Variants in ARID1A observed in about 807,000 individuals in gnomAD.
ARID1A encodes AT-rich interaction domain 1A.
In ARID1A, 20 loss-of-function variants were observed where a neutral mutation model predicts 212.6. The observed-to-expected ratio is 0.09, with a 90% CI of 0.07 to 0.14. ARID1A has a LOEUF of 0.14. Among genes scored for constraint, ARID1A ranks in the 10% least tolerant of loss-of-function variants. The pLI, the probability that ARID1A is intolerant of heterozygous loss-of-function variation, is 1.00. For synonymous variants in ARID1A, 1,376 were observed against 1,222.1 expected (o/e 1.13, Z -2.63); for missense variants, 2,587 against 3,059.0 (o/e 0.85, Z 3.64).
intron 2 of ARID1A, 98 bp downstream of exon 2, chr1:26,729,961 G>A: frequency 1.4e-6 from 2 of 1,409,306 alleles, no homozygotes; most frequent in Non-Finnish European, 9.8e-7. Flanking sequence ...CAAGCCTCTT[G>A]ACAGGAATGT....
At chr1:26,767,611 T>A (rs971756658) in intron 10 of ARID1A, among the ~76,000 whole-genome samples, 179 bp from the exon 11 acceptor site, 3 of 152,084 alleles carry the variant, frequency 2.0e-5, no homozygotes, top group Admixed American at 2.0e-4. Context: ...TTCCTTCCTT[T>A]ATAGGAAAAA....
Position 26,760,884 on chromosome 1 carries a change from C to T in ARID1A, c.1949C>T (p.Pro650Leu), listed in dbSNP as rs2080985310. The change falls in exon 5 of 20, where the codon CCC (proline) becomes CTC (leucine). Residue 650 changes from proline to leucine, a missense_variant. Physicochemically the swap from Pro to Leu is moderately conservative, Grantham distance 98. Transcript: ENST00000324856. ...CTATCTGGTTCAATAGATGACCTCC[C>T]CATGGGGACAGAAGGAGCTCTGAGT... is the stretch of plus-strand genomic sequence containing the variant. ...PDLSGSIDDL[P>L]MGTEGALSPG... is the part of the protein sequence containing the mutation. The T allele has an allele frequency of 6.2e-7, 1 of 1,613,734 alleles. No homozygotes were observed. Among genetic ancestry groups the T allele is most frequent in the Non-Finnish European group, 8.5e-7 (1 of 1,179,816 alleles).
chr1:26,731,877 TTTTTATTTTA>T (rs536029374), intron 3 of ARID1A, among the ~76,000 whole-genome samples: 20 of 152,222 alleles, frequency 1.3e-4, no homozygotes, highest in African/African-American at 2.4e-4. Context: ...GGGACTGGTT[TTTTTATTTTA>T]TTTTATTTTA....
rs2124788557 is a variant in ARID1A at position 26,731,294 on chromosome 1, C to G, written c.1493C>G (p.Pro498Arg). ...CCGTCCCAGACCCCTCATGCCCAAC[C>G]TTCGTATCAGCAGCAGCCACAGTCT... ...QPPSQTPHAQ[P>R]SYQQQPQSQP... The change falls in exon 3 of 20, where the codon CCT becomes CGT. Residue 498 changes from proline (P) to arginine (R), a missense_variant. This residue lies in a region of ARID1A where 674 missense variants were observed against 813.4 expected (regional missense o/e 0.83). Coordinates refer to ENST00000324856, the MANE Select transcript of ARID1A (RefSeq NM_006015.6). 6.2e-7 allele frequency: 1 copy of G among 1,613,952 alleles called. No individual in the cohort carries two copies. The highest frequency in any genetic ancestry group is 8.5e-7 in the Non-Finnish European group (1 of 1,179,988).
rs1476360310 is a variant in ARID1A, at chr1:26,774,647, C to G, written c.4420C>G (p.Gln1474Glu). Reference sequence around the variant, plus strand: ...TGCACCCCCTGGCACCAATGCCCAGCAAAACATGCCACCACAAATGATGGG... The same window carrying G: ...TGCACCCCCTGGCACCAATGCCCAGGAAAACATGCCACCACAAATGATGGG... ...VSAPPGTNAQ[Q>E]NMPPQMMGGP... Residue 1474 changes from glutamine (Q) to glutamate (E), a missense_variant, in exon 18 of 20, where the codon CAA becomes GAA. By Grantham distance (29) the Gln-to-Glu change is conservative. This residue lies in a region of ARID1A where 890 missense variants were observed against 1,098.2 expected (regional missense o/e 0.81). Transcript: ENST00000324856. The surrounding 1 kb of genome is among the most constrained non-coding windows in gnomAD (Gnocchi z 5.6). 4 of 1,614,228 alleles carry G rather than the reference C, an allele frequency of 2.5e-6. No individual in the cohort carries two copies. The highest frequency in any genetic ancestry group is 3.4e-6 in the Non-Finnish European group (4 of 1,180,042).
chr1:26,736,661 A>G (rs913676660), intron 4 of ARID1A, among the ~76,000 whole-genome samples: 11 of 149,746 alleles, frequency 7.3e-5, no homozygotes, highest in African/African-American at 2.5e-4. Context: ...ACAGTGGCTC[A>G]GGAGGCCGAG....
At chr1:26,714,178 G>A (rs1234632786) in intron 1 of ARID1A, among the ~76,000 whole-genome samples, 1 of 152,222 alleles carries the variant, frequency 6.6e-6, no homozygotes, top group Non-Finnish European at 1.5e-5. Context: ...AAGACAGCTG[G>A]TGACTGGTAT....
Position 26,697,435 on chromosome 1 carries a change from TGCG to T in ARID1A, c.1041_1043del (p.Ala349del), listed in dbSNP as rs1474581007. ...GTTGGGGGGCTGCGGCGGCGGCAGC[TGCG>T]GCGGCGGCCGCCTCGGGAGGGGCCC... On this transcript the variant is annotated inframe_deletion, in exon 1 of 20. Coordinates refer to ENST00000324856, the MANE Select transcript of ARID1A (RefSeq NM_006015.6). The T allele has an allele frequency of 7.4e-7, 1 of 1,349,958 alleles. No homozygotes were observed. The highest frequency in any genetic ancestry group is 4.1e-5 in the Admixed American group (1 of 24,434). 83.6% of individuals were successfully genotyped at this position (1,349,958 alleles called of 1,614,324 possible).
In ARID1A at chr1:26,732,773, C is replaced by A. The variant is rs1269622011; in HGVS notation, c.1901C>A (p.Ser634Ter). ...GQEDMNLSLQ[S>*]RPSSLPDLSG... Reference sequence around the variant, plus strand: ...GAAGATATGAACCTGAGCCTTCAGTCAAGACCCTCCAGCTTGCCTGTGAGT... The same window carrying A: ...GAAGATATGAACCTGAGCCTTCAGTAAAGACCCTCCAGCTTGCCTGTGAGT... Residue 634 changes from serine (S) to a stop codon, truncating the protein, a stop_gained, in exon 4 of 20, where the codon TCA becomes TAA. Transcript: ENST00000324856. LOFTEE classifies it high-confidence loss of function. 6.2e-7 allele frequency: 1 copy of A among 1,613,686 alleles called. No individual in the cohort carries two copies. The highest frequency in any genetic ancestry group is 1.1e-5 in the South Asian group (1 of 91,016).
At chr1:26,762,067 G>T (rs1269941919) in intron 6 of ARID1A, 85 bp from the exon 7 acceptor site, 1 of 1,407,668 alleles carries the variant, frequency 7.1e-7, no homozygotes, top group Non-Finnish European at 9.6e-7. Context: ...AGAAAATGTA[G>T]ATGGTAAAGT....
chr1:26,774,633 G>A lies in ARID1A; in HGVS notation c.4406G>A (p.Gly1469Asp), dbSNP rs2081116412. 6.2e-7 allele frequency: 1 copy of A among 1,614,184 alleles called. No individual in the cohort carries two copies. Among genetic ancestry groups the A allele is most frequent in the African/African-American group, 1.3e-5 (1 of 75,040 alleles). Residue 1469 changes from glycine (G) to aspartate (D), a missense_variant, in exon 18 of 20, where the codon GGC becomes GAC. Physicochemically the swap from Gly to Asp is moderately conservative, Grantham distance 94. Around this residue, in one of 11 missense-constraint regions of ARID1A, gnomAD observed 890 missense variants for 1,098.2 expected, o/e 0.81. Transcript: ENST00000324856. The surrounding 1 kb of genome is among the most constrained non-coding windows in gnomAD (Gnocchi z 5.6). ...CGAGACCGTGTCTCTGCACCCCCTG[G>A]CACCAATGCCCAGCAAAACATGCCA... ...FGRDRVSAPP[G>D]TNAQQNMPPQ...
At chr1:26,714,267 T>C in intron 1 of ARID1A, among the ~76,000 whole-genome samples, 1 of 152,172 alleles carries the variant, frequency 6.6e-6, no homozygotes, top group African/African-American at 2.4e-5. Context: ...GACAGTGGTG[T>C]AGATGAGGTT....
chr1:26,703,049 G>C (rs2080346103), intron 1 of ARID1A, among the ~76,000 whole-genome samples: 1 of 152,136 alleles, frequency 6.6e-6, no homozygotes, highest in South Asian at 2.1e-4. Context: ...CCTCAATTTT[G>C]CTGTTGTGCT....
chr1:26,722,107 G>C (rs2080570732), intron 1 of ARID1A, among the ~76,000 whole-genome samples: 1 of 152,140 alleles, frequency 6.6e-6, no homozygotes, highest in Non-Finnish European at 1.5e-5. Context: ...GCGCCTTCCT[G>C]GAGGTTTGAT....
At position 26,772,584 on chromosome 1, in the gene ARID1A, C is replaced by T. The variant is rs2124104549; in HGVS notation, c.3491C>T (p.Thr1164Ile). ...MAEGGDLKPP[T>I]PASTPHSQIP... ...GAAGGAGGAGACTTAAAGCCACCAA[C>T]TCCAGCATCCACACCACACAGTCAG... Residue 1164 changes from threonine to isoleucine, a missense_variant, in exon 13 of 20, where the codon ACT becomes ATT. Thr to Ile is a moderately conservative substitution (Grantham distance 89). This residue lies in a region of ARID1A where 890 missense variants were observed against 1,098.2 expected (regional missense o/e 0.81). Coordinates refer to ENST00000324856, the MANE Select transcript of ARID1A (RefSeq NM_006015.6). 1.2e-6 allele frequency: 2 copies of T among 1,614,218 alleles called. No homozygotes were observed. The highest frequency in any genetic ancestry group is 1.1e-5 in the South Asian group (1 of 91,084).
chr1:26,778,512 G>T (rs1299188641), intron 19 of ARID1A: 2 of 152,814 alleles, frequency 1.3e-5, no homozygotes, highest in African/African-American at 2.4e-5. Context: ...TCCTTATGCT[G>T]CAAGATCCAT....
intron 1 of ARID1A, among the ~76,000 whole-genome samples, chr1:26,708,092 G>T (rs1047228396): frequency 6.6e-6 from 1 of 151,812 alleles, no homozygotes; most frequent in African/African-American, 2.4e-5. Context: ...TCCACTTAGG[G>T]TTTTGTTGTT....
chr1:26,749,515 T>C (rs1213320054), intron 4 of ARID1A, among the ~76,000 whole-genome samples: 1 of 152,134 alleles, frequency 6.6e-6, no homozygotes, highest in African/African-American at 2.4e-5. Context: ...ACCCAGCCGC[T>C]GTTTGCAGGG....
At chr1:26,742,683 C>G (rs1054317847) in intron 4 of ARID1A, among the ~76,000 whole-genome samples, 4 of 152,106 alleles carry the variant, frequency 2.6e-5, no homozygotes, top group Non-Finnish European at 5.9e-5. Flanking sequence ...AAATATCAAG[C>G]TGGTAGGCCA....
Sources: allele counts gnomAD v4.1 joint callset (sites outside exome capture counted in the v4.1 genomes callset), GRCh38; gene constraint gnomAD v4.1.1; regional missense constraint gnomAD v4.1.1; non-coding constraint Gnocchi (gnomAD v3.1); transcripts MANE v1.5; gene names NCBI Gene and HGNC (gene_info 2026-07-23, HGNC 2026-07-21).